Variants in SLC35F4 observed in about 807,000 individuals in gnomAD.
SLC35F4 encodes solute carrier family 35 member F4, also known as chromosome 14 open reading frame 36.
A neutral mutation model predicts 44.2 loss-of-function variants in SLC35F4; 24 were observed. The ratio of observed to expected loss-of-function variants is 0.54; its 90% CI spans 0.39 to 0.76. The LOEUF is 0.76. Among genes scored for constraint, SLC35F4 ranks in the 30% least tolerant of loss-of-function variants. The pLI is 0.00. For synonymous variants in SLC35F4, 238 were observed against 223.6 expected, an observed-to-expected ratio of 1.06 and a Z score of -0.57; for missense variants, 562 against 586.1, an observed-to-expected ratio of 0.96 and a Z score of 0.42.
intron 1 of SLC35F4, among the ~76,000 whole-genome samples, chr14:57,664,674 G>A (rs980109726): frequency 1.3e-5 from 2 of 152,150 alleles, no homozygotes; most frequent in Admixed American, 1.3e-4. Context: ...GCCTCCCAAA[G>A]TGCTGGGATT....
intron 1 of SLC35F4, among the ~76,000 whole-genome samples, chr14:57,784,900 C>G (rs147573218): frequency 1.3e-3 from 200 of 152,306 alleles, no homozygotes; most frequent in African/African-American, 4.7e-3. Flanking sequence ...CAATGATCCA[C>G]TTCCACTTAA....
At chr14:57,931,413 C>T (rs901063063) in intron 1 of SLC35F4, among the ~76,000 whole-genome samples, 1 of 152,058 alleles carries the variant, frequency 6.6e-6, no homozygotes, top group Non-Finnish European at 1.5e-5. Flanking sequence ...ACAAAATTAC[C>T]ATCTGACAAA....
chr14:57,921,718 G>T (rs1226555346), intron 1 of SLC35F4, among the ~76,000 whole-genome samples: 2 of 152,098 alleles, frequency 1.3e-5, no homozygotes, highest in African/African-American at 4.8e-5. Context: ...CTGTATCTCT[G>T]TTCAAATTTC....
chr14:57,946,469 C>CTTTTTTTTTTT (rs71104596), intron 1 of SLC35F4, among the ~76,000 whole-genome samples: 4 of 78,214 alleles, frequency 5.1e-5, no homozygotes, highest in Non-Finnish European at 9.4e-5. Flanking sequence ...GTTTTCTTTT[C>CTTTTTTTTTTT]TTTTTTTTTT....
At chr14:57,629,157 C>G (rs1007308288) in intron 1 of SLC35F4, among the ~76,000 whole-genome samples, 1 of 152,092 alleles carries the variant, frequency 6.6e-6, no homozygotes, top group Non-Finnish European at 1.5e-5. Flanking sequence ...TTTTGAGTCT[C>G]CTGTTCTGTA....
intron 1 of SLC35F4, among the ~76,000 whole-genome samples, chr14:57,748,098 A>C (rs547069411): frequency 6.6e-6 from 1 of 152,218 alleles, no homozygotes; most frequent in Non-Finnish European, 1.5e-5. Flanking sequence ...AACTCTATAC[A>C]TGACCAAGAA....
At chr14:57,964,923 T>C (rs1890406899) in intron 1 of SLC35F4, among the ~76,000 whole-genome samples, 1 of 148,876 alleles carries the variant, frequency 6.7e-6, no homozygotes, top group South Asian at 2.1e-4. Context: ...TCCATGTGCC[T>C]CCAGGTATCT....
At chr14:57,803,988 G>T (rs1449341494) in intron 1 of SLC35F4, among the ~76,000 whole-genome samples, 1 of 152,100 alleles carries the variant, frequency 6.6e-6, no homozygotes, top group Non-Finnish European at 1.5e-5. Context: ...CAAGCAAGCA[G>T]AGCCAAATCA....
intron 1 of SLC35F4, among the ~76,000 whole-genome samples, chr14:57,861,920 C>T (rs751205404): frequency 5.3e-5 from 8 of 152,150 alleles, no homozygotes; most frequent in Non-Finnish European, 5.9e-5. Context: ...TTGGAGGTCT[C>T]ATCCAGTCTT....
At chr14:57,742,317 T>C (rs1481080898) in intron 1 of SLC35F4, among the ~76,000 whole-genome samples, 2 of 152,172 alleles carry the variant, frequency 1.3e-5, no homozygotes, top group Non-Finnish European at 2.9e-5. Flanking sequence ...GTGTGCTGTA[T>C]TCAGGAGACA....
chr14:57,856,874 T>C (rs192661848), intron 1 of SLC35F4, among the ~76,000 whole-genome samples: 10 of 152,198 alleles, frequency 6.6e-5, no homozygotes, highest in African/African-American at 1.9e-4. Flanking sequence ...AGTATTAATA[T>C]TGTACCAGGA....
intron 1 of SLC35F4, among the ~76,000 whole-genome samples, chr14:57,650,243 G>C (rs886103452): frequency 1.3e-5 from 2 of 151,994 alleles, no homozygotes; most frequent in African/African-American, 4.8e-5. Context: ...CTCTAGCCTT[G>C]GCTTTCCCAC....
At chr14:57,578,133 G>A (rs921299892) in intron 4 of SLC35F4, among the ~76,000 whole-genome samples, 7 of 150,800 alleles carry the variant, frequency 4.6e-5, no homozygotes, top group African/African-American at 1.7e-4. Context: ...TGTTCATGGT[G>A]TTCTTTTTAC....
intron 1 of SLC35F4, among the ~76,000 whole-genome samples, chr14:57,826,926 CA>C (rs767051686): frequency 1.3e-5 from 2 of 152,154 alleles, no homozygotes; most frequent in Non-Finnish European, 2.9e-5. Context: ...TAAATTAGTT[CA>C]ACCATTGAGG....
chr14:57,677,526 T>G (rs1340372347), intron 1 of SLC35F4, among the ~76,000 whole-genome samples: 1 of 152,124 alleles, frequency 6.6e-6, no homozygotes, highest in East Asian at 1.9e-4. Flanking sequence ...CTATTTAAAG[T>G]TAACTTGCTG....
chr14:57,802,573 A>G (rs1474958052), intron 1 of SLC35F4, among the ~76,000 whole-genome samples: 1 of 152,150 alleles, frequency 6.6e-6, no homozygotes, highest in Non-Finnish European at 1.5e-5. Flanking sequence ...AAAGCTAGCT[A>G]GACTAATAAA....
At chr14:57,944,727 GAAAGAAAGAAAGAA>G (rs1254647001) in intron 1 of SLC35F4, among the ~76,000 whole-genome samples, 1 of 115,934 alleles carries the variant, frequency 8.6e-6, no homozygotes, top group African/African-American at 3.1e-5. Context: ...AAGAAAGAAA[GAAAGAAAGAAAGAA>G]AGAAAGAAAG....
In SLC35F4 at chr14:57,779,440, T is replaced by C. The variant is rs536827187; in HGVS notation, c.103+86283A>G. Among the ~76,000 whole-genome samples, 37 of 152,098 alleles carry C rather than the reference T, an allele frequency of 2.4e-4. No homozygotes were observed. In the East Asian group the frequency reaches 2.9e-3, roughly 12 times the overall value. On this transcript the variant is annotated intron_variant, in intron 1 of 7. Coordinates refer to ENST00000556826, the MANE Select transcript of SLC35F4 (RefSeq NM_001306087.2). ...CTCCCAAGACTGAACCAGGAAGAAA[T>C]TGAATCCCTGAAAAGACCAATAACA...
chr14:57,888,647 T>C (rs1193116829), intron 1 of SLC35F4, among the ~76,000 whole-genome samples: 3 of 152,160 alleles, frequency 2.0e-5, no homozygotes, highest in East Asian at 1.9e-4. Flanking sequence ...AAAAGGGACA[T>C]TGGGAAAACA....
Sources: allele counts gnomAD v4.1 joint callset (sites outside exome capture counted in the v4.1 genomes callset), GRCh38; gene constraint gnomAD v4.1.1; transcripts MANE v1.5; gene names NCBI Gene and HGNC (gene_info 2026-07-23, HGNC 2026-07-21).